Variants in FSTL4 observed in about 807,000 individuals in gnomAD.
The protein encoded by FSTL4 is follistatin-related protein 4.
FSTL4 carries 28 observed loss-of-function variants against 78.2 expected under a neutral mutation model. The observed-to-expected ratio is 0.36, with a 90% CI of 0.27 to 0.49. The LOEUF (loss-of-function observed/expected upper bound fraction) is 0.49. Ranked by LOEUF, FSTL4 falls within the 20% of genes least tolerant of loss-of-function variation. The pLI is 0.98. For missense variants in FSTL4, 922 were observed against 1,084.9 expected, an observed-to-expected ratio of 0.85 and a Z score of 2.11; for synonymous variants, 422 against 440.5, an observed-to-expected ratio of 0.96 and a Z score of 0.53.
intron 7 of FSTL4, among the ~76,000 whole-genome samples, chr5:133,240,024 C>G (rs1751790343): frequency 1.3e-5 from 2 of 152,258 alleles, no homozygotes; most frequent in East Asian, 1.9e-4. Context: ...GCAGTGGAAG[C>G]TTTGTTCTTT....
the FSTL4 span, among the ~76,000 whole-genome samples, chr5:133,693,850 G>C: frequency 6.6e-5 from 10 of 152,146 alleles, no homozygotes; most frequent in South Asian, 2.1e-4. Context: ...CCAAGGTAGT[G>C]GGGGGTTGCT....
intron 4 of FSTL4, chr5:133,388,559 G>A (rs1267156105): frequency 8.6e-5 from 13 of 150,786 alleles, no homozygotes; most frequent in Non-Finnish European, 1.5e-4. Context: ...AACCACTCAA[G>A]AGCCCCCAGT....
At chr5:133,438,915 C>T (rs567133337) in intron 3 of FSTL4, among the ~76,000 whole-genome samples, 3 of 152,218 alleles carry the variant, frequency 2.0e-5, no homozygotes, top group East Asian at 1.9e-4. Context: ...CTGGGATGAG[C>T]GCGGATGCTC....
In FSTL4 at chr5:133,440,524, T is replaced by A. The variant is rs1757130602; in HGVS notation, c.161-39538A>T. 1.3e-5 allele frequency among the ~76,000 whole-genome samples: 2 copies of A among 152,192 alleles called. No homozygotes were observed. Among genetic ancestry groups the A allele is most frequent in the Non-Finnish European group, 2.9e-5 (2 of 68,024 alleles). On this transcript the variant is annotated intron_variant, in intron 3 of 15. Transcript: ENST00000265342. The surrounding 1 kb of genome is among the most constrained non-coding windows in gnomAD (Gnocchi z 4.1). ...AGCTGAGACTTTAAATTCAACTTCCTGGGAGAAGCAGTCGGTACTGGACTT... is the reference window on the plus strand; with the variant it reads ...AGCTGAGACTTTAAATTCAACTTCCAGGGAGAAGCAGTCGGTACTGGACTT...
At chr5:133,800,788 C>T in the FSTL4 span, among the ~76,000 whole-genome samples, 2 of 86,952 alleles carry the variant, frequency 2.3e-5, no homozygotes, top group Middle Eastern at 5.7e-3. Flanking sequence ...CCACCACAAA[C>T]AGAGCCTTTG....
chr5:133,780,893 G>T, the FSTL4 span, among the ~76,000 whole-genome samples: 1 of 152,194 alleles, frequency 6.6e-6, no homozygotes, highest in Non-Finnish European at 1.5e-5. Flanking sequence ...ACAGCCTGCT[G>T]CAAGGTGGCG....
rs59634629 is a variant in FSTL4 at position 133,274,380 on chromosome 5, C to CTTTTTTTTTTTTTTTTT, written c.728-24805_728-24804insAAAAAAAAAAAAAAAAA. On this transcript the variant is annotated intron_variant, in intron 6 of 15. Coordinates refer to ENST00000265342, the MANE Select transcript of FSTL4 (RefSeq NM_015082.2). Reference sequence around the variant, plus strand: ...ATTCTCAGAAAAAGGGCAATCTGTGCTTTTTTTTTTTTTTTTAGGAGAACA... The same window carrying CTTTTTTTTTTTTTTTTT: ...ATTCTCAGAAAAAGGGCAATCTGTGCTTTTTTTTTTTTTTTTTTTTTTTTTTTTTTTTTAGGAGAACA... 4.9e-4 allele frequency among the ~76,000 whole-genome samples: 35 copies of CTTTTTTTTTTTTTTTTT among 71,012 alleles called. 7 individuals are homozygous for CTTTTTTTTTTTTTTTTT. Among genetic ancestry groups the CTTTTTTTTTTTTTTTTT allele is most frequent in the African/African-American group, 9.1e-4 (16 of 17,594 alleles). The allele number at this position is 71,012 out of a possible 152,430, so 46.6% of individuals were successfully genotyped here. A position where few individuals can be genotyped will look rare whatever the true frequency, so the allele number is the denominator to read the frequency against.
intron 6 of FSTL4, among the ~76,000 whole-genome samples, chr5:133,260,797 C>T (rs1752502013): frequency 6.6e-6 from 1 of 152,206 alleles, no homozygotes; most frequent in Non-Finnish European, 1.5e-5. Flanking sequence ...GGGGCACTGG[C>T]CCCTGATGGC....
intron 3 of FSTL4, among the ~76,000 whole-genome samples, chr5:133,422,522 T>C (rs1756720368): frequency 1.3e-5 from 2 of 150,940 alleles, no homozygotes; most frequent in Non-Finnish European, 2.9e-5. Flanking sequence ...TACCGTTTAC[T>C]AAAAGGGGGA....
chr5:133,520,096 T>C (rs1183934066), intron 3 of FSTL4, among the ~76,000 whole-genome samples: 2 of 152,228 alleles, frequency 1.3e-5, no homozygotes, highest in Non-Finnish European at 2.9e-5. Flanking sequence ...TTTTTTCCTC[T>C]TTTCTTCTCC....
At chr5:133,207,979 T>C (rs1750580266) in intron 14 of FSTL4, 1 of 152,236 alleles carries the variant, frequency 6.6e-6, no homozygotes, top group African/African-American at 2.4e-5. Flanking sequence ...ACAATTTATC[T>C]TTAGTTACAG....
chr5:133,340,024 C>A (rs1460643356), intron 4 of FSTL4, among the ~76,000 whole-genome samples: 1 of 152,198 alleles, frequency 6.6e-6, no homozygotes, highest in Non-Finnish European at 1.5e-5. Context: ...TGAGTGCTCA[C>A]AGGATAGGCC....
At chr5:133,704,649 T>G in the FSTL4 span, among the ~76,000 whole-genome samples, 1 of 152,244 alleles carries the variant, frequency 6.6e-6, no homozygotes, top group Non-Finnish European at 1.5e-5. Context: ...TCAAGGATTC[T>G]CTTCCTCTGT....
Position 133,556,630 on chromosome 5 carries a change from G to A in FSTL4, c.160+10556C>T, listed in dbSNP as rs929433983. Reference sequence around the variant, plus strand: ...TAATCTCAGTTACTCTGGAGGCTGAGGAAAGAGAATCGCTTGAACCCAGGA... The same window carrying A: ...TAATCTCAGTTACTCTGGAGGCTGAAGAAAGAGAATCGCTTGAACCCAGGA... On this transcript the variant is annotated intron_variant, in intron 3 of 15. Transcript: ENST00000265342. Among the ~76,000 whole-genome samples, 4 of 152,244 alleles carry A rather than the reference G, an allele frequency of 2.6e-5. No individual in the cohort carries two copies. In the South Asian group the frequency reaches 6.2e-4, roughly 24 times the overall value.
rs112751458 is a variant in FSTL4 at position 133,394,862 on chromosome 5, T to C, written c.409+5876A>G. Among the ~76,000 whole-genome samples, 652 of 152,346 alleles carry C rather than the reference T, an allele frequency of 4.3e-3. 8 individuals carry two copies. The highest frequency in any genetic ancestry group is 0.015 in the African/African-American group (620 of 41,580). ...ACTTTTATGTCTAGCTAAGGGATTG[T>C]AGATACACCAATCAGCACTCTGTAT... On this transcript the variant is annotated intron_variant, in intron 4 of 15. Transcript: ENST00000265342.
the FSTL4 span, among the ~76,000 whole-genome samples, chr5:133,730,539 T>C: frequency 0.038 from 5,747 of 152,262 alleles, 375 homozygotes; most frequent in African/African-American, 0.13. Context: ...CTCCTGATTC[T>C]ACACAAGTCT....
intron 2 of FSTL4, among the ~76,000 whole-genome samples, chr5:133,601,077 T>TC (rs35360274): frequency 6.6e-6 from 1 of 151,684 alleles, no homozygotes; most frequent in Non-Finnish European, 1.5e-5. Context: ...TGCAAGCCTG[T>TC]CCGGCCTGCA....
At chr5:133,200,674 G>A (rs1750292141) in intron 15 of FSTL4, among the ~76,000 whole-genome samples, 1 of 152,222 alleles carries the variant, frequency 6.6e-6, no homozygotes, top group African/African-American at 2.4e-5. Flanking sequence ...ACTCCAGGCA[G>A]GACTTCCCTT....
chr5:133,533,982 G>C (rs1028112661), intron 3 of FSTL4, among the ~76,000 whole-genome samples: 18 of 151,900 alleles, frequency 1.2e-4, no homozygotes, highest in African/African-American at 3.9e-4. Context: ...TGTACATTGG[G>C]CCTAACATTC....
Sources: allele counts gnomAD v4.1 joint callset (sites outside exome capture counted in the v4.1 genomes callset), GRCh38; gene constraint gnomAD v4.1.1; non-coding constraint Gnocchi (gnomAD v3.1); transcripts MANE v1.5; gene names NCBI Gene and HGNC (gene_info 2026-07-23, HGNC 2026-07-21).